RAD51B: variants seen among roughly 807,000 people sequenced by gnomAD.
The protein encoded by RAD51B is DNA repair protein RAD51 homolog 2.
Under a neutral mutation model 42.2 loss-of-function variants are expected in RAD51B, and 38 were observed. The ratio of observed to expected loss-of-function variants is 0.90; its 90% CI spans 0.70 to 1.18. The LOEUF (loss-of-function observed/expected upper bound fraction) is 1.18, where lower values mean the gene tolerates loss of function less well. Among genes scored for constraint, RAD51B ranks in the 50% most tolerant of loss-of-function variants. The probability of loss-of-function intolerance (pLI) is 0.00; values close to 1 mark genes in which losing one functional copy is unlikely to be tolerated. For synonymous variants in RAD51B, 154 were observed against 145.2 expected, an observed-to-expected ratio of 1.06 and a Z score of -0.43; for missense variants, 373 against 400.7, an observed-to-expected ratio of 0.93 and a Z score of 0.59.
rs555259581 is a variant in RAD51B at position 68,311,051 on chromosome 14, G to A, written c.853+19071G>A. ...AGTAGATTGTCGGTGCCATGTCTAC[G>A]TTGTTAACTGCAGTCCAACATGTAA... is the stretch of plus-strand genomic sequence containing the variant. On this transcript the variant is annotated intron_variant, in intron 8 of 10. Coordinates refer to ENST00000471583, the MANE Select transcript of RAD51B (RefSeq NM_133510.4). Among the ~76,000 whole-genome samples the A allele has an allele frequency of 1.6e-4, 24 of 151,884 alleles. No individual in the cohort carries two copies. The South Asian group carries it at 4.2e-3, about 26-fold the overall frequency.
chr14:68,223,427 T>C (rs1357522897), intron 7 of RAD51B, among the ~76,000 whole-genome samples: 1 of 152,264 alleles, frequency 6.6e-6, no homozygotes, highest in African/African-American at 2.4e-5. Context: ...TGGAAGCACA[T>C]ACATGTAGTA....
At chr14:68,454,466 G>A (rs2085633861) in intron 9 of RAD51B, among the ~76,000 whole-genome samples, 1 of 152,218 alleles carries the variant, frequency 6.6e-6, no homozygotes, top group Non-Finnish European at 1.5e-5. Context: ...AGCAAGACTT[G>A]TGGAATTTTA....
At chr14:68,055,633 A>G (rs1048691657) in intron 7 of RAD51B, among the ~76,000 whole-genome samples, 13 of 152,284 alleles carry the variant, frequency 8.5e-5, no homozygotes, top group African/African-American at 2.6e-4. Context: ...AACAACATTA[A>G]TATGTATGAG....
chr14:68,596,545 C>T (rs1054614330), downstream of RAD51B, among the ~76,000 whole-genome samples: 5 of 151,968 alleles, frequency 3.3e-5, no homozygotes, highest in Non-Finnish European at 5.9e-5. Context: ...GACAATTCAG[C>T]TTTTTTTTGT....
At chr14:67,905,731 T>C (rs1209582427) in intron 7 of RAD51B, among the ~76,000 whole-genome samples, 1 of 152,106 alleles carries the variant, frequency 6.6e-6, no homozygotes, top group East Asian at 1.9e-4. Flanking sequence ...TGTTGGTGTA[T>C]AGAAATGCTA....
In RAD51B at chr14:68,291,998, G is replaced by C; in HGVS notation, c.853+18G>C. 1 of 1,593,974 alleles carries C rather than the reference G, an allele frequency of 6.3e-7. No homozygotes were observed. The highest frequency in any genetic ancestry group is 8.6e-7 in the Non-Finnish European group (1 of 1,161,894). On this transcript the variant is annotated intron_variant, in intron 8 of 10. Coordinates refer to ENST00000471583, the MANE Select transcript of RAD51B (RefSeq NM_133510.4). ...GTCTGAAGGTAAGGAATCTGTCCTG[G>C]AGAGGCTGAAACTTGACACTGACAT...
At chr14:68,402,746 T>G (rs2140055255) in intron 8 of RAD51B, among the ~76,000 whole-genome samples, 1 of 152,334 alleles carries the variant, frequency 6.6e-6, no homozygotes, top group South Asian at 2.1e-4. Flanking sequence ...CTGGAACAAG[T>G]GAGGTTCTCG....
intron 11 of RAD51B, among the ~76,000 whole-genome samples, chr14:68,674,259 C>T (rs2140158084): frequency 6.6e-6 from 1 of 152,210 alleles, no homozygotes; most frequent in East Asian, 1.9e-4. Flanking sequence ...ACTATATACA[C>T]ATATATGCAC....
At chr14:68,682,930 T>TTTTTTTGGG in intron 11 of RAD51B, 12 of 796,762 alleles carry the variant, frequency 1.5e-5, no homozygotes, top group South Asian at 6.2e-5. Flanking sequence ...TTTTTTTTTT[T>TTTTTTTGGG]GTATAGGGCA....
At chr14:68,258,950 A>C (rs941850059) in intron 7 of RAD51B, among the ~76,000 whole-genome samples, 2 of 152,152 alleles carry the variant, frequency 1.3e-5, no homozygotes, top group African/African-American at 2.4e-5. Flanking sequence ...CGGTGGCCTA[A>C]GTAGTCATTT....
At chr14:68,075,673 T>G (rs1043237768) in intron 7 of RAD51B, among the ~76,000 whole-genome samples, 3 of 151,976 alleles carry the variant, frequency 2.0e-5, no homozygotes, top group Admixed American at 6.6e-5. Context: ...GCTGCACCCC[T>G]GGGAAATACA....
intron 7 of RAD51B, among the ~76,000 whole-genome samples, chr14:68,070,874 A>G (rs2076729678): frequency 6.6e-6 from 1 of 151,984 alleles, no homozygotes; most frequent in Admixed American, 6.6e-5. Flanking sequence ...GCTTTTGGCA[A>G]TATGGCCATT....
chr14:68,542,204 GATATAAATCCTT>G (rs1888004563), intron 10 of RAD51B, among the ~76,000 whole-genome samples: 1 of 152,016 alleles, frequency 6.6e-6, no homozygotes, highest in African/African-American at 2.4e-5. Flanking sequence ...TCATTTGAAT[GATATAAATCCTT>G]ATATCTAGTA....
intron 7 of RAD51B, among the ~76,000 whole-genome samples, chr14:67,982,244 C>A (rs2075108108): frequency 6.6e-6 from 1 of 152,068 alleles, no homozygotes. Context: ...CCCAATTGTA[C>A]ACTTTAAATA....
chr14:67,928,495 G>T (rs561968653), intron 7 of RAD51B, among the ~76,000 whole-genome samples: 1 of 152,224 alleles, frequency 6.6e-6, no homozygotes, highest in African/African-American at 2.4e-5. Context: ...GGTTTTACCA[G>T]ATGTGTCATT....
chr14:68,322,733 G>T (rs2082178863), intron 8 of RAD51B, among the ~76,000 whole-genome samples: 1 of 152,178 alleles, frequency 6.6e-6, no homozygotes, highest in African/African-American at 2.4e-5. Flanking sequence ...CTTGCTTTGT[G>T]TTGGACTATT....
intron 7 of RAD51B, among the ~76,000 whole-genome samples, chr14:68,209,552 T>C (rs12432006): frequency 0.023 from 3,551 of 152,240 alleles, 123 homozygotes; most frequent in African/African-American, 0.074. Context: ...CATTTTTTTT[T>C]CCAACATTTA....
intron 7 of RAD51B, among the ~76,000 whole-genome samples, chr14:68,111,254 C>G (rs2077455074): frequency 1.3e-5 from 2 of 151,998 alleles, no homozygotes; most frequent in Non-Finnish European, 2.9e-5. Flanking sequence ...AAAATGAATT[C>G]TTCACAGTAT....
rs145113312 is a variant in RAD51B at position 68,561,369 on chromosome 14, G to A, written c.1037-33116G>A. On this transcript the variant is annotated intron_variant, in intron 10 of 10. Transcript: ENST00000487270. ...GAGCCTGGGAATCTGCATTCTTAGC[G>A]CACCCCAGGGGATTCTGAGGTTGGG... is the stretch of plus-strand genomic sequence containing the variant. Among the ~76,000 whole-genome samples the A allele has an allele frequency of 3.7e-3, 564 of 152,260 alleles. 4 individuals are homozygous for A. The highest frequency in any genetic ancestry group is 0.013 in the African/African-American group (539 of 41,544).
Sources: allele counts gnomAD v4.1 joint callset (sites outside exome capture counted in the v4.1 genomes callset), GRCh38; gene constraint gnomAD v4.1.1; transcripts MANE v1.5; gene names NCBI Gene and HGNC (gene_info 2026-07-23, HGNC 2026-07-21).